FCAR: variants seen among roughly 807,000 people sequenced by gnomAD.
The protein encoded by FCAR is Fc alpha receptor, also known as immunoglobulin alpha Fc receptor.
Under a neutral mutation model 27.1 loss-of-function variants are expected in FCAR, and 21 were observed. That is an observed-to-expected ratio of 0.77 (90% CI 0.55 to 1.11). The LOEUF (loss-of-function observed/expected upper bound fraction) is 1.11. Among genes scored for constraint, FCAR ranks in the 50% most tolerant of loss-of-function variants. FCAR has a pLI of 0.00. For synonymous variants in FCAR, 134 were observed against 135.8 expected, an observed-to-expected ratio of 0.99 and a Z score of 0.09; for missense variants, 404 against 358.4, an observed-to-expected ratio of 1.13 and a Z score of -1.03.
At chr19:54,874,403 C>A in intron 1 of FCAR, 80 bp downstream of exon 1, 1 of 1,413,190 alleles carries the variant, frequency 7.1e-7, no homozygotes, top group Non-Finnish European at 1.0e-6. Context: ...AACAGTGTGA[C>A]TAGGAGATTT....
chr19:54,884,069 G>A (rs1264954625), intron 2 of FCAR, among the ~76,000 whole-genome samples: 2 of 152,258 alleles, frequency 1.3e-5, no homozygotes, highest in Non-Finnish European at 2.9e-5. Flanking sequence ...CTGGCTGCAA[G>A]TGGCAGGGGT....
At chr19:54,875,161 A>G (rs147967600) in intron 1 of FCAR, among the ~76,000 whole-genome samples, 169 bp from the exon 2 acceptor site, 1,683 of 149,370 alleles carry the variant, frequency 0.011, 27 homozygotes, top group African/African-American at 0.038. Context: ...ACACAGCGAG[A>G]CTCTGTCTCA....
chr19:54,884,107 G>T (rs1384409931), intron 2 of FCAR, among the ~76,000 whole-genome samples: 1 of 152,310 alleles, frequency 6.6e-6, no homozygotes, highest in East Asian at 1.9e-4. Context: ...TCACCATCTG[G>T]GTGCTTTCCA....
At chr19:54,889,069 A>AG (rs1224391719) in intron 4 of FCAR, 2 of 154,640 alleles carry the variant, frequency 1.3e-5, no homozygotes, top group East Asian at 4.2e-4. Flanking sequence ...CTCCACCTCA[A>AG]GAAAAAAAAA....
intron 2 of FCAR, 126 bp from the exon 3 acceptor site, chr19:54,885,109 A>AT (rs952883245): frequency 1.7e-4 from 150 of 870,210 alleles, no homozygotes; most frequent in Non-Finnish European, 2.3e-4. Flanking sequence ...CCCGGCCTAA[A>AT]TTTTTTTTTA....
At chr19:54,878,154 T>C (rs1289720985) in intron 2 of FCAR, among the ~76,000 whole-genome samples, 2 of 152,208 alleles carry the variant, frequency 1.3e-5, no homozygotes, top group Non-Finnish European at 2.9e-5. Flanking sequence ...CCTGACCTCA[T>C]GATCCGCCAG....
Position 54,881,358 on chromosome 19 carries a change from G to A in FCAR, c.71-3877G>A, listed in dbSNP as rs115538430. On this transcript the variant is annotated intron_variant, in intron 2 of 4. Transcript: ENST00000355524. ...CCTTCCCCAGTCTGAGGGCAGCAAG[G>A]CCAGTACCACCGCAGTGGCAGCGGC... Among the ~76,000 whole-genome samples the A allele has an allele frequency of 7.7e-3, 1,178 of 152,244 alleles. 24 individuals are homozygous for A. The highest frequency in any genetic ancestry group is 0.027 in the African/African-American group (1,123 of 41,540).
chr19:54,889,763 T>C lies in FCAR; in HGVS notation c.764T>C (p.Leu255Pro), dbSNP rs2066971684. The part of the protein sequence containing the change: ...LVENWHSHTA[L>P]NKEASADVAE... Reference sequence around the variant, plus strand: ...GAAAATTGGCACAGCCATACGGCACTGAACAAGGAAGCCTCGGCAGATGTG... The same window carrying C: ...GAAAATTGGCACAGCCATACGGCACCGAACAAGGAAGCCTCGGCAGATGTG... The change falls in exon 5 of 5, where the codon CTG (leucine) becomes CCG (proline). Residue 255 changes from leucine to proline, a missense_variant. Transcript: ENST00000355524. 1.9e-6 allele frequency: 3 copies of C among 1,614,034 alleles called. No individual in the cohort carries two copies. Among genetic ancestry groups the C allele is most frequent in the Non-Finnish European group, 2.5e-6 (3 of 1,180,020 alleles).
At chr19:54,877,585 A>G (rs751735542) in intron 2 of FCAR, among the ~76,000 whole-genome samples, 6 of 152,104 alleles carry the variant, frequency 3.9e-5, no homozygotes, top group African/African-American at 1.4e-4. Flanking sequence ...TCGTGTCTCA[A>G]TCTCCTTCAG....
At chr19:54,885,164 C>A in intron 2 of FCAR, 71 bp from the exon 3 acceptor site, 1 of 1,359,134 alleles carries the variant, frequency 7.4e-7, no homozygotes, top group Admixed American at 2.2e-5. Flanking sequence ...ATTTTTACTT[C>A]TCCCACAGAG....
intron 2 of FCAR, among the ~76,000 whole-genome samples, chr19:54,879,622 C>G (rs1057039980): frequency 6.6e-6 from 1 of 151,650 alleles, no homozygotes; most frequent in Admixed American, 6.6e-5. Context: ...GCTGTTAGCT[C>G]GATGGCATTC....
intron 2 of FCAR, among the ~76,000 whole-genome samples, chr19:54,880,347 A>G (rs2066342621): frequency 6.6e-6 from 1 of 152,148 alleles, no homozygotes; most frequent in Non-Finnish European, 1.5e-5. Context: ...TTATTTTGCC[A>G]TTAATACTTG....
At chr19:54,878,494 T>G (rs922326554) in intron 2 of FCAR, among the ~76,000 whole-genome samples, 7 of 152,172 alleles carry the variant, frequency 4.6e-5, no homozygotes, top group African/African-American at 1.7e-4. Context: ...TCCGGGTGCT[T>G]CCATGTTAGG....
At chr19:54,883,232 G>T (rs892953279) in intron 2 of FCAR, among the ~76,000 whole-genome samples, 1 of 151,254 alleles carries the variant, frequency 6.6e-6, no homozygotes, top group African/African-American at 2.4e-5. Context: ...TACCAGGCTG[G>T]TCTCAAACTC....
At chr19:54,876,184 A>G (rs1232010159) in intron 2 of FCAR, among the ~76,000 whole-genome samples, 2 of 152,178 alleles carry the variant, frequency 1.3e-5, no homozygotes, top group African/African-American at 4.8e-5. Flanking sequence ...TTGATTTTGT[A>G]TCCTGGAACT....
Position 54,890,350 on chromosome 19 carries a change from T to C in FCAR, c.*487T>C. 1 of 152,812 alleles carries C rather than the reference T, an allele frequency of 6.5e-6. No individual in the cohort carries two copies. Among genetic ancestry groups the C allele is most frequent in the East Asian group, 1.9e-4 (1 of 5,210 alleles). The allele number at this position is 152,812 out of a possible 1,614,324, so 9.5% of individuals were successfully genotyped here. A position where few individuals can be genotyped will look rare whatever the true frequency, so the allele number is the denominator to read the frequency against. On this transcript the variant is annotated 3_prime_UTR_variant, in exon 5 of 5. Transcript: ENST00000355524. ...ACATAAGTTATGGTTTTCCATCTTA[T>C]CTGTCTTCTGATTTTTTATATCCTG...
rs190202191 is a variant in FCAR at position 54,886,421 on chromosome 19, C to T, written c.361+896C>T. On this transcript the variant is annotated intron_variant, in intron 3 of 4. Coordinates refer to ENST00000355524, the MANE Select transcript of FCAR (RefSeq NM_002000.4). Reference sequence around the variant, plus strand: ...CTCCCGGGTTCACGCCATTCTCCTGCCTCAGCCTCCCGAGTAGCTGGGACT... The same window carrying T: ...CTCCCGGGTTCACGCCATTCTCCTGTCTCAGCCTCCCGAGTAGCTGGGACT... Among the ~76,000 whole-genome samples the T allele has an allele frequency of 3.9e-3, 582 of 149,956 alleles. 4 individuals carry two copies. The highest frequency in any genetic ancestry group is 0.013 in the African/African-American group (547 of 40,866).
At chr19:54,879,182 C>T (rs748587752) in intron 2 of FCAR, among the ~76,000 whole-genome samples, 14 of 152,064 alleles carry the variant, frequency 9.2e-5, no homozygotes, top group Non-Finnish European at 1.9e-4. Flanking sequence ...TGGCCTCTTG[C>T]TTCTTTATCC....
At chr19:54,875,067 C>T (rs544758453) in intron 1 of FCAR, among the ~76,000 whole-genome samples, 9 of 151,478 alleles carry the variant, frequency 5.9e-5, no homozygotes, top group African/African-American at 2.2e-4. Context: ...GCTACTCGTG[C>T]GGCTGAGGCA....
Sources: gnomAD v4.1 joint callset for allele counts (sites outside exome capture counted in the v4.1 genomes callset) on GRCh38, gnomAD v4.1.1 for gene constraint, MANE v1.5 for transcripts, NCBI Gene and HGNC (gene_info 2026-07-23, HGNC 2026-07-21) for gene names.